Variants in BRCC3 observed in about 807,000 individuals in gnomAD.
BRCC3 encodes the protein BRCA1/BRCA2-containing complex subunit 3, also known as lys-63-specific deubiquitinase BRCC36.
Under a neutral mutation model 28.0 loss-of-function variants are expected in BRCC3, and 15 were observed. The ratio of observed to expected loss-of-function variants is 0.54; its 90% CI spans 0.36 to 0.82. The LOEUF is 0.82. BRCC3 is among the 40% of genes least tolerant of loss of function. BRCC3 has a pLI of 0.01. For missense variants in BRCC3, 109 were observed against 225.9 expected, an observed-to-expected ratio of 0.48 and a Z score of 3.32; for synonymous variants, 66 against 80.3, an observed-to-expected ratio of 0.82 and a Z score of 0.95.
chrX:155,102,734 A>T (rs1424589731), intron 7 of BRCC3, among the ~76,000 whole-genome samples: 1 of 112,195 alleles, frequency 8.9e-6, no homozygotes, highest in Non-Finnish European at 1.9e-5. Context: ...AGATTCCTTT[A>T]ATCAGTTTGA....
intron 5 of BRCC3, among the ~76,000 whole-genome samples, chrX:155,083,273 A>G (rs2074097054): frequency 8.9e-6 from 1 of 112,421 alleles, no homozygotes; most frequent in African/African-American, 3.2e-5. Flanking sequence ...TCTGATCAGT[A>G]TGCTCCTACT....
intron 7 of BRCC3, among the ~76,000 whole-genome samples, chrX:155,114,981 A>G (rs1287965975): frequency 8.9e-6 from 1 of 111,862 alleles, no homozygotes; most frequent in African/African-American, 3.3e-5. Flanking sequence ...AATAAAAGAT[A>G]TATTACAAAT....
chrX:155,084,362 T>C (rs1557294512), intron 5 of BRCC3, among the ~76,000 whole-genome samples: 2 of 111,678 alleles, frequency 1.8e-5, no homozygotes, highest in Admixed American at 1.9e-4. Context: ...AATATCTTTG[T>C]TTAAAAAGTT....
At chrX:155,102,470 C>CT (rs2074252151) in intron 7 of BRCC3, among the ~76,000 whole-genome samples, 1 of 111,803 alleles carries the variant, frequency 8.9e-6, no homozygotes, top group South Asian at 3.7e-4. Flanking sequence ...CTTTTAATAG[C>CT]TTTTTTGAAG....
rs149835933 is a variant in BRCC3, at chrX:155,105,978, C to T, written c.549-10079C>T. On this transcript the variant is annotated intron_variant, in intron 7 of 10. Coordinates refer to ENST00000330045, the MANE Select transcript of BRCC3 (RefSeq NM_001018055.3). ...GTGTGAGCCCAGGCTTGAGCCACCA[C>T]GCCCATCCAAGACCCTGACTATTCT... Among the ~76,000 whole-genome samples, 40 of 112,472 alleles carry T rather than the reference C, an allele frequency of 3.6e-4. No individual in the cohort carries two copies. In the East Asian group the frequency reaches 9.8e-3, roughly 27 times the overall value.
At chrX:155,091,804 AAAAG>A (rs2074177369) in intron 7 of BRCC3, among the ~76,000 whole-genome samples, 1 of 111,442 alleles carries the variant, frequency 9.0e-6, no homozygotes, top group African/African-American at 3.3e-5. Flanking sequence ...TAAAAAAAAA[AAAAG>A]CAAGGAAGCT....
chrX:155,099,423 C>T (rs782286097), intron 7 of BRCC3: 2 of 1,193,402 alleles, frequency 1.7e-6, no homozygotes, highest in African/African-American at 3.5e-5. Flanking sequence ...TCCCCCAGCT[C>T]AACTGATTTC....
intron 7 of BRCC3, among the ~76,000 whole-genome samples, chrX:155,098,516 C>T (rs2074225390): frequency 8.9e-6 from 1 of 112,144 alleles, no homozygotes; most frequent in African/African-American, 3.2e-5. Context: ...CAAACTATAG[C>T]TTGTAGGCCA....
chrX:155,105,316 C>G (rs1395851724), intron 7 of BRCC3, among the ~76,000 whole-genome samples: 1 of 110,949 alleles, frequency 9.0e-6, no homozygotes, highest in Non-Finnish European at 1.9e-5. Context: ...AACCCCATCT[C>G]TACTAAAAAT....
chrX:155,074,595 A>AAAGC (rs1267016905), intron 3 of BRCC3, among the ~76,000 whole-genome samples: 1 of 112,128 alleles, frequency 8.9e-6, no homozygotes, highest in Non-Finnish European at 1.9e-5. Flanking sequence ...ATCTCTGACT[A>AAAGC]AAGCAAGAAA....
chrX:155,113,484 G>A (rs782198905), intron 7 of BRCC3, among the ~76,000 whole-genome samples: 20 of 110,685 alleles, frequency 1.8e-4, no homozygotes, highest in East Asian at 1.7e-3. Flanking sequence ...ATCTTACACC[G>A]TATATAAAAC....
Position 155,120,093 on chromosome X carries a change from G to T in BRCC3, c.819G>T (p.Leu273Phe), listed in dbSNP as rs1557299243. 8.3e-7 allele frequency: 1 copy of T among 1,208,791 alleles called. No individual in the cohort carries two copies. Among genetic ancestry groups the T allele is most frequent in the Admixed American group, 2.2e-5 (1 of 46,041 alleles). ...GACTGGAGCAAAACCAACAGCATTT[G>T]CAGGAATTACAACAAGAAAAGGAAG... ...EDRLEQNQQH[L>F]QELQQEKEEL... is the part of the protein sequence containing the mutation. Residue 273 changes from leucine to phenylalanine, a missense_variant, in exon 10 of 11, where the codon TTG becomes TTT. Leu to Phe is a conservative substitution (Grantham distance 22). This residue lies in a region of BRCC3 where 50 missense variants were observed against 115.2 expected (regional missense o/e 0.43). Coordinates refer to ENST00000330045, the MANE Select transcript of BRCC3 (RefSeq NM_001018055.3).
intron 7 of BRCC3, among the ~76,000 whole-genome samples, chrX:155,093,961 C>T (rs1337289172): frequency 9.0e-6 from 1 of 110,531 alleles, no homozygotes; most frequent in Non-Finnish European, 1.9e-5. Context: ...CTGGTTACTC[C>T]CATTTCACAG....
Position 155,121,933 on chromosome X carries a change from C to G in BRCC3, c.*729C>G, listed in dbSNP as rs1367404206. On this transcript the variant is annotated 3_prime_UTR_variant, in exon 11 of 11. Coordinates refer to ENST00000330045, the MANE Select transcript of BRCC3 (RefSeq NM_001018055.3). The stretch of plus-strand genomic sequence containing the variant: ...CTTGAGGTTAGGCGTTCCAGACCAG[C>G]CTGGGCAACATAGTGAGACTCTTGT... 2 of 111,348 alleles carry G rather than the reference C, an allele frequency of 1.8e-5. No homozygotes were observed. Among genetic ancestry groups the G allele is most frequent in the Non-Finnish European group, 3.8e-5 (2 of 53,080 alleles). 9.2% of individuals were successfully genotyped at this position (111,348 alleles called of 1,213,427 possible).
chrX:155,075,044 A>T (rs189562726), intron 3 of BRCC3, among the ~76,000 whole-genome samples: 4 of 112,732 alleles, frequency 3.5e-5, no homozygotes, highest in African/African-American at 1.3e-4. Context: ...TGAAGGGTGT[A>T]TTTTAGTTAA....
chrX:155,107,047 T>C lies in BRCC3; in HGVS notation c.549-9010T>C, dbSNP rs191961508. ...CTTGGTTATGTTAGCCAGTGGTGTG[T>C]CAATTTTGTTATTTTTCCTTGAAAC... On this transcript the variant is annotated intron_variant, in intron 7 of 10. Transcript: ENST00000330045. Among the ~76,000 whole-genome samples the C allele has an allele frequency of 1.0e-3, 116 of 111,897 alleles. 2 individuals carry two copies. The highest frequency in any genetic ancestry group is 2.8e-3 in the African/African-American group (85 of 30,864).
intron 7 of BRCC3, among the ~76,000 whole-genome samples, chrX:155,112,560 A>G (rs1476413830): frequency 7.1e-5 from 8 of 113,203 alleles, no homozygotes; most frequent in African/African-American, 2.6e-4. Context: ...TGATAATGGT[A>G]TAGCATCCAG....
At chrX:155,116,652 C>T (rs1381079350) in intron 8 of BRCC3, 59 bp from the exon 9 acceptor site, 3 of 839,303 alleles carry the variant, frequency 3.6e-6, no homozygotes, top group Non-Finnish European at 5.2e-6. Context: ...TAGTCCATGA[C>T]CATTTTGCTT....
At chrX:155,075,286 T>TG (rs1557293358) in intron 3 of BRCC3, among the ~76,000 whole-genome samples, 2 of 50,051 alleles carry the variant, frequency 4.0e-5, no homozygotes, top group Non-Finnish European at 6.0e-5. Context: ...CTAAGCCCAC[T>TG]CTTTCCCCTG....
Sources: gnomAD v4.1 joint callset for allele counts (sites outside exome capture counted in the v4.1 genomes callset) on GRCh38, gnomAD v4.1.1 for gene constraint, gnomAD v4.1.1 regional missense constraint, MANE v1.5 for transcripts, NCBI Gene and HGNC (gene_info 2026-07-23, HGNC 2026-07-21) for gene names.